ZNF250: variants seen among roughly 807,000 people sequenced by gnomAD.
The protein encoded by ZNF250 is zinc finger protein (clone 647).
Under a neutral mutation model 37.1 loss-of-function variants are expected in ZNF250, and 13 were observed. The observed-to-expected ratio is 0.35, with a 90% CI of 0.23 to 0.56. ZNF250 has a LOEUF of 0.56. Ranked by LOEUF, ZNF250 falls within the 20% of genes least tolerant of loss-of-function variation. The pLI, the probability that ZNF250 is intolerant of heterozygous loss-of-function variation, is 0.87. For synonymous variants in ZNF250, 251 were observed against 265.6 expected, an observed-to-expected ratio of 0.94 and a Z score of 0.54; for missense variants, 474 against 697.9, an observed-to-expected ratio of 0.68 and a Z score of 3.61.
rs556821728 is a variant in ZNF250 at position 144,890,218 on chromosome 8, G to A, written c.42+90C>T. ...CGCGGAGTTCAGGGCATGTGGTGAC[G>A]CTCTGGCTGCTCTTAGGAGCTCTAC... On this transcript the variant is annotated intron_variant, in intron 2 of 5. Transcript: ENST00000417550. This position sits in a 1 kb window ranked among gnomAD's most constrained non-coding sequence, Gnocchi z 5.1. The A allele has an allele frequency of 1.5e-4, 219 of 1,490,134 alleles. No individual in the cohort carries two copies. The African/African-American group carries it at 2.0e-3, about 14-fold the overall frequency. 92.3% of individuals were successfully genotyped at this position (1,490,134 alleles called of 1,614,324 possible).
In ZNF250 at chr8:144,901,427, G is replaced by T. The variant is rs575416417; in HGVS notation, c.-83C>A. 6.6e-6 allele frequency: 1 copy of T among 152,462 alleles called. No homozygotes were observed. Among genetic ancestry groups the T allele is most frequent in the Non-Finnish European group, 1.5e-5 (1 of 68,254 alleles). 9.4% of individuals were successfully genotyped at this position (152,462 alleles called of 1,614,324 possible). A position where few individuals can be genotyped will look rare whatever the true frequency, so the allele number is the denominator to read the frequency against. On this transcript the variant is annotated 5_prime_UTR_variant, in exon 1 of 6. Coordinates refer to ENST00000417550, the MANE Select transcript of ZNF250 (RefSeq NM_001109689.4). This position sits in a 1 kb window ranked among gnomAD's most constrained non-coding sequence, Gnocchi z 5.4. ...CAGAGCCGCAGCCTCACGCGCGAAG[G>T]AACGGCATCCCGCAGCACCTTCAGA...
In ZNF250 at chr8:144,882,906, C is replaced by G. The variant is rs1563880468; in HGVS notation, c.347-70G>C. 2.6e-6 allele frequency: 4 copies of G among 1,531,266 alleles called. No individual in the cohort carries two copies. The highest frequency in any genetic ancestry group is 3.5e-6 in the Non-Finnish European group (4 of 1,140,744). 94.9% of individuals were successfully genotyped at this position (1,531,266 alleles called of 1,614,324 possible). ...CTGAAGAGCTAGTGCAACCCTGAAA[C>G]TGGCCTTGCTGATGAAGGTGCAAAA... On this transcript the variant is annotated intron_variant, in intron 5 of 5. Coordinates refer to ENST00000417550, the MANE Select transcript of ZNF250 (RefSeq NM_001109689.4). The surrounding 1 kb of genome is among the most constrained non-coding windows in gnomAD (Gnocchi z 5.5).
upstream of ZNF250, chr8:144,901,726 T>G (rs1190020180): frequency 6.6e-6 from 1 of 152,310 alleles, no homozygotes; most frequent in African/African-American, 2.4e-5. The surrounding 1 kb of genome is among the most constrained non-coding windows in gnomAD (Gnocchi z 5.4). Flanking sequence ...GCGCGGAGGT[T>G]ACAGCCCATC....
At chr8:144,896,188 C>T (rs1446040256) in intron 1 of ZNF250, among the ~76,000 whole-genome samples, 3 of 151,544 alleles carry the variant, frequency 2.0e-5, no homozygotes, top group African/African-American at 4.8e-5. Flanking sequence ...AGTGAGACCC[C>T]GTCTCTATAA....
rs1482440381 is a variant in ZNF250 at position 144,882,234 on chromosome 8, G to A, written c.949C>T (p.His317Tyr). The A allele has an allele frequency of 5.6e-6, 9 of 1,613,952 alleles. No individual in the cohort carries two copies. Among genetic ancestry groups the A allele is most frequent in the Non-Finnish European group, 7.6e-6 (9 of 1,179,998 alleles). Reference protein sequence around the residue: ...VCPLCGKAFNHSTVLRSHQRV... With the variant: ...VCPLCGKAFNYSTVLRSHQRV... ...TGGTGGCTCCGCAGAACAGTGCTAT[G>A]GTTGAAGGCTTTCCCACACAACGGA... The change falls in exon 6 of 6, where the codon CAT becomes TAT. Residue 317 changes from histidine to tyrosine, a missense_variant. By Grantham distance (83) the His-to-Tyr change is moderately conservative. Coordinates refer to ENST00000417550, the MANE Select transcript of ZNF250 (RefSeq NM_001109689.4). This position sits in a 1 kb window ranked among gnomAD's most constrained non-coding sequence, Gnocchi z 5.5.
Position 144,890,458 on chromosome 8 carries a change from A to T in ZNF250, c.-54-55T>A, listed in dbSNP as rs56014219. 195,749 of 1,144,548 alleles carry T rather than the reference A, an allele frequency of 0.17. 18,764 individuals are homozygous for T. The highest frequency in any genetic ancestry group is 0.19 in the Non-Finnish European group (163,649 of 849,978). 70.9% of individuals were successfully genotyped at this position (1,144,548 alleles called of 1,614,324 possible). On this transcript the variant is annotated intron_variant, in intron 1 of 5. Transcript: ENST00000417550. The surrounding 1 kb of genome is among the most constrained non-coding windows in gnomAD (Gnocchi z 5.1). The stretch of plus-strand genomic sequence containing the variant: ...CATGGCCTTGAGACCGTAACTTCCT[A>T]GGGGGCCCTCAGGGGATCCCTGGGC...
At chr8:144,901,719 C>T (rs976978723), upstream of ZNF250, 15 of 152,392 alleles carry the variant, frequency 9.8e-5, no homozygotes, top group African/African-American at 3.4e-4. This position sits in a 1 kb window ranked among gnomAD's most constrained non-coding sequence, Gnocchi z 5.4. Context: ...CTTCCGGGCG[C>T]GGAGGTTACA....
Position 144,878,139 on chromosome 8 carries a change from A to G in ZNF250, c.*3376T>C, listed in dbSNP as rs555583358. 1.4e-4 allele frequency: 22 copies of G among 152,254 alleles called. No homozygotes were observed. The highest frequency in any genetic ancestry group is 4.8e-4 in the African/African-American group (20 of 41,544). The allele number at this position is 152,254 out of a possible 1,614,324, so 9.4% of individuals were successfully genotyped here. ...TCTGGACTTTCATCTCAGTGATCTC[A>G]TCTAGGTACCTGGGTGATCTCTTGG... On this transcript the variant is annotated 3_prime_UTR_variant, in exon 6 of 6. Coordinates refer to ENST00000417550, the MANE Select transcript of ZNF250 (RefSeq NM_001109689.4).
chr8:144,897,281 TG>T lies in ZNF250; in HGVS notation c.-55+4117del, dbSNP rs1360832116. On this transcript the variant is annotated intron_variant, in intron 1 of 5. Coordinates refer to ENST00000417550, the MANE Select transcript of ZNF250 (RefSeq NM_001109689.4). This position sits in a 1 kb window ranked among gnomAD's most constrained non-coding sequence, Gnocchi z 5.2. Reference sequence around the variant, plus strand: ...CCCTGGACTTTCTGCTAACAAGCACTGCTCCCTCTTCATCACCAAGGAGCCC... The same window carrying T: ...CCCTGGACTTTCTGCTAACAAGCACTCTCCCTCTTCATCACCAAGGAGCCC... Among the ~76,000 whole-genome samples, 3 of 152,312 alleles carry T rather than the reference TG, an allele frequency of 2.0e-5. No homozygotes were observed. The highest frequency in any genetic ancestry group is 4.4e-5 in the Non-Finnish European group (3 of 68,026).
rs763607592 is a variant in ZNF250 at position 144,882,720 on chromosome 8, CATT to C, written c.460_462del (p.Asn154del). ...CTCAGACAGAAGCTTTGCTTTGTTT[CATT>C]ATTTTCTTGATCAATCCTCCCCAAG... On this transcript the variant is annotated inframe_deletion, in exon 6 of 6. Transcript: ENST00000417550. This position sits in a 1 kb window ranked among gnomAD's most constrained non-coding sequence, Gnocchi z 5.5. 1.2e-6 allele frequency: 2 copies of C among 1,614,026 alleles called. No homozygotes were observed. Among genetic ancestry groups the C allele is most frequent in the Admixed American group, 3.3e-5 (2 of 60,024 alleles).
At chr8:144,896,811 C>T (rs1353083994) in intron 1 of ZNF250, among the ~76,000 whole-genome samples, 11 of 152,124 alleles carry the variant, frequency 7.2e-5, no homozygotes, top group African/African-American at 2.7e-4. Flanking sequence ...TTGAGGAGCC[C>T]CCTCTTGAGG....
intron 1 of ZNF250, among the ~76,000 whole-genome samples, chr8:144,893,222 A>G (rs1258783799): frequency 6.6e-6 from 1 of 152,170 alleles, no homozygotes; most frequent in East Asian, 1.9e-4. Flanking sequence ...CAGTGGCCTC[A>G]TGTGCTCCTG....
rs778856861 is a variant in ZNF250, at chr8:144,890,321, G to A, written c.29C>T (p.Pro10Leu). MAAARLLPVPAGPQAKLTFE... is the reference protein window; with the variant it reads MAAARLLPVLAGPQAKLTFE... Reference sequence around the variant, plus strand: ...GGGACAGCTTACCTGGGGTCCTGCCGGCACTGGCAGGAGTCTGGCTGCTGC... The same window carrying A: ...GGGACAGCTTACCTGGGGTCCTGCCAGCACTGGCAGGAGTCTGGCTGCTGC... Residue 10 changes from proline (P) to leucine (L), a missense_variant, in exon 2 of 6, where the codon CCG (proline) becomes CTG (leucine). Around this residue, in one of 2 missense-constraint regions of ZNF250, gnomAD observed 192 missense variants for 227.5 expected, o/e 0.84. Coordinates refer to ENST00000417550, the MANE Select transcript of ZNF250 (RefSeq NM_001109689.4). This position sits in a 1 kb window ranked among gnomAD's most constrained non-coding sequence, Gnocchi z 5.1. 7.9e-6 allele frequency: 12 copies of A among 1,513,778 alleles called. No homozygotes were observed. Among genetic ancestry groups the A allele is most frequent in the African/African-American group, 5.6e-5 (4 of 71,932 alleles). The allele number at this position is 1,513,778 out of a possible 1,614,324, so 93.8% of individuals were successfully genotyped here.
chr8:144,887,501 C>T (rs1161286109), intron 4 of ZNF250, among the ~76,000 whole-genome samples: 1 of 152,048 alleles, frequency 6.6e-6, no homozygotes, highest in African/African-American at 2.4e-5. Context: ...AAACTCAGTC[C>T]CATCGTCCTC....
intron 1 of ZNF250, chr8:144,895,126 C>T (rs985438325): frequency 6.6e-6 from 1 of 152,024 alleles, no homozygotes; most frequent in African/African-American, 2.4e-5. Context: ...TCAGACTGGC[C>T]CTTGGATAGT....
At chr8:144,893,177 T>A (rs1832472298) in intron 1 of ZNF250, among the ~76,000 whole-genome samples, 1 of 151,900 alleles carries the variant, frequency 6.6e-6, no homozygotes. Flanking sequence ...AATAACCAAT[T>A]TTGGATTAAG....
Position 144,890,140 on chromosome 8 carries a change from G to A in ZNF250, c.43-81C>T. On this transcript the variant is annotated intron_variant, in intron 2 of 5. Coordinates refer to ENST00000417550, the MANE Select transcript of ZNF250 (RefSeq NM_001109689.4). The surrounding 1 kb of genome is among the most constrained non-coding windows in gnomAD (Gnocchi z 5.1). ...AGTGGGTGCATGTGACATGTGACAT[G>A]AGCAGTTGGCAGTGGGGGGCTCTGT... The A allele has an allele frequency of 1.9e-6, 3 of 1,568,966 alleles. No individual in the cohort carries two copies. Among genetic ancestry groups the A allele is most frequent in the Non-Finnish European group, 2.6e-6 (3 of 1,155,848 alleles).
At position 144,881,354 on chromosome 8, in the gene ZNF250, AG is replaced by A; in HGVS notation, c.*160del. The stretch of plus-strand genomic sequence containing the variant: ...CAGGTAGTCTCTGAAGTTTTTCCAC[AG>A]GAACAGCACGCTAAGTGCTTCTTTC... On this transcript the variant is annotated 3_prime_UTR_variant, in exon 6 of 6. Transcript: ENST00000417550. 9.2e-7 allele frequency: 1 copy of A among 1,082,628 alleles called. No homozygotes were observed. Among genetic ancestry groups the A allele is most frequent in the Non-Finnish European group, 1.2e-6 (1 of 800,258 alleles). The allele number at this position is 1,082,628 out of a possible 1,614,324, so 67.1% of individuals were successfully genotyped here.
Position 144,878,988 on chromosome 8 carries a change from A to C in ZNF250, c.*2527T>G, listed in dbSNP as rs560398292. On this transcript the variant is annotated 3_prime_UTR_variant, in exon 6 of 6. Transcript: ENST00000417550. Reference sequence around the variant, plus strand: ...TGTACTCAGATCCTCTGAAGTAACAAAAATTGTCTCACTTTCTTTCTGAAG... The same window carrying C: ...TGTACTCAGATCCTCTGAAGTAACACAAATTGTCTCACTTTCTTTCTGAAG... The C allele has an allele frequency of 2.0e-5, 3 of 152,192 alleles. No individual in the cohort carries two copies. Among genetic ancestry groups the C allele is most frequent in the African/African-American group, 7.2e-5 (3 of 41,516 alleles). 9.4% of individuals were successfully genotyped at this position (152,192 alleles called of 1,614,324 possible).
Sources: gnomAD v4.1 joint callset for allele counts (sites outside exome capture counted in the v4.1 genomes callset) on GRCh38, gnomAD v4.1.1 for gene constraint, gnomAD v4.1.1 regional missense constraint, Gnocchi (gnomAD v3.1) non-coding constraint, MANE v1.5 for transcripts, NCBI Gene and HGNC (gene_info 2026-07-23, HGNC 2026-07-21) for gene names.